Variants in CDH23 observed in about 807,000 individuals in gnomAD.
CDH23 encodes the protein cadherin-23.
A neutral mutation model predicts 317.1 loss-of-function variants in CDH23; 189 were observed. That is an observed-to-expected ratio of 0.60 (90% CI 0.53 to 0.67). CDH23 has a LOEUF of 0.67. Ranked by LOEUF, CDH23 falls within the 30% of genes least tolerant of loss-of-function variation. The probability of loss-of-function intolerance (pLI) is 0.00; values close to 1 mark genes in which losing one functional copy is unlikely to be tolerated. For missense variants in CDH23, 4,401 were observed against 4,592.4 expected (o/e 0.96, Z 1.20); for synonymous variants, 1,839 against 1,876.8 (o/e 0.98, Z 0.52).
chr10:71,558,732 A>G (rs965676609), intron 6 of CDH23, among the ~76,000 whole-genome samples: 8 of 152,192 alleles, frequency 5.3e-5, no homozygotes, highest in African/African-American at 1.7e-4. Context: ...AGTGGGCTCC[A>G]TTATGGGATG....
At chr10:71,456,262 C>G (rs1372695561) in intron 3 of CDH23, among the ~76,000 whole-genome samples, 1 of 151,166 alleles carries the variant, frequency 6.6e-6, no homozygotes, top group African/African-American at 2.4e-5. Flanking sequence ...GCTTTGGGCT[C>G]TTGGTGCCCT....
At chr10:71,725,221 C>A (rs1866751041) in intron 29 of CDH23, 151 bp from the exon 30 acceptor site, 1 of 1,450,952 alleles carries the variant, frequency 6.9e-7, no homozygotes, top group South Asian at 1.2e-5. Flanking sequence ...CCTCCAGCTT[C>A]CTCTCCACTG....
At chr10:71,514,007 C>G (rs1188953254) in intron 6 of CDH23, among the ~76,000 whole-genome samples, 1 of 152,112 alleles carries the variant, frequency 6.6e-6, no homozygotes, top group East Asian at 1.9e-4. Flanking sequence ...AAATCCAGGT[C>G]TATCTAAGGA....
intron 9 of CDH23, among the ~76,000 whole-genome samples, chr10:71,604,912 G>C (rs572655504): frequency 6.6e-6 from 1 of 152,348 alleles, no homozygotes; most frequent in African/African-American, 2.4e-5. Flanking sequence ...GATGTAGCAA[G>C]ACCAGGGCGG....
rs1443006753 is a variant in CDH23 at position 71,625,394 on chromosome 10, A to AT, written c.1134+8003dup. Among the ~76,000 whole-genome samples, 334 of 109,336 alleles carry AT rather than the reference A, an allele frequency of 3.1e-3. 2 individuals carry two copies. The highest frequency in any genetic ancestry group is 8.4e-3 in the African/African-American group (250 of 29,880). The allele number at this position is 109,336 out of a possible 152,430, so 71.7% of individuals were successfully genotyped here. On this transcript the variant is annotated intron_variant, in intron 11 of 69. Transcript: ENST00000224721. ...CCATGGAGAAAACATCACCAAATAA[A>AT]TTAAAAAAAAAAAAAAAAAAAAAAA...
intron 11 of CDH23, among the ~76,000 whole-genome samples, chr10:71,637,262 G>T (rs963322159): frequency 1.3e-5 from 2 of 152,092 alleles, no homozygotes; most frequent in African/African-American, 4.8e-5. Flanking sequence ...GCCCAGGGTG[G>T]GACTGGTGGG....
In CDH23 at chr10:71,684,721, G is replaced by A. The variant is rs1011448110; in HGVS notation, c.1986+2149G>A. On this transcript the variant is annotated intron_variant, in intron 18 of 69. Coordinates refer to ENST00000224721, the MANE Select transcript of CDH23 (RefSeq NM_022124.6). ...AGCCGCACCCATGCCCCAGCCTGTC[G>A]CTAGTGCAAATGGGAGTTCCCATGA... 2.0e-5 allele frequency among the ~76,000 whole-genome samples: 3 copies of A among 152,206 alleles called. No individual in the cohort carries two copies. In the South Asian group the frequency reaches 6.2e-4, roughly 32 times the overall value.
chr10:71,640,238 A>G (rs927467998), intron 11 of CDH23, among the ~76,000 whole-genome samples: 4 of 152,156 alleles, frequency 2.6e-5, no homozygotes, highest in Non-Finnish European at 5.9e-5. Context: ...CCATCTTTTC[A>G]GTCCCTCACT....
intron 6 of CDH23, chr10:71,511,765 A>T (rs1286405576): frequency 6.3e-6 from 1 of 158,122 alleles, no homozygotes; most frequent in Non-Finnish European, 1.4e-5. Flanking sequence ...AGAAGTACAA[A>T]TTATTGCATT....
intron 2 of CDH23, 40 bp from the exon 3 acceptor site, chr10:71,446,278 G>C: frequency 6.3e-7 from 1 of 1,584,028 alleles, no homozygotes; most frequent in African/African-American, 1.3e-5. Context: ...TAAAGCTGAT[G>C]GGGGGTACTT....
chr10:71,438,247 G>A (rs1849706963), intron 1 of CDH23, among the ~76,000 whole-genome samples: 1 of 151,290 alleles, frequency 6.6e-6, no homozygotes, highest in Non-Finnish European at 1.5e-5. Flanking sequence ...GGGGGGCTGA[G>A]GCAGGAGAAT....
At chr10:71,678,864 G>A (rs998675928) in intron 16 of CDH23, among the ~76,000 whole-genome samples, 1 of 152,190 alleles carries the variant, frequency 6.6e-6, no homozygotes, top group South Asian at 2.1e-4. Context: ...TTGGCCTGTA[G>A]GTATGCAGCA....
intron 3 of CDH23, among the ~76,000 whole-genome samples, chr10:71,495,421 G>A (rs922873160): frequency 1.3e-5 from 2 of 152,148 alleles, no homozygotes; most frequent in African/African-American, 4.8e-5. Flanking sequence ...GCTATTGAAA[G>A]GTGAAGACAA....
At chr10:71,690,612 GT>G (rs1435426072) in intron 20 of CDH23, 28 bp downstream of exon 20, 1 of 1,481,660 alleles carries the variant, frequency 6.7e-7, no homozygotes, top group South Asian at 1.2e-5. Context: ...AAGTACCCTG[GT>G]CCTCCACACC....
At chr10:71,702,509 T>A in intron 23 of CDH23, 40 bp from the exon 24 acceptor site, 4 of 1,613,190 alleles carry the variant, frequency 2.5e-6, no homozygotes, top group Non-Finnish European at 2.5e-6. Context: ...TGCACCCATC[T>A]TACCCTGTCC....
At chr10:71,519,390 G>T (rs980935653) in intron 6 of CDH23, among the ~76,000 whole-genome samples, 3 of 152,220 alleles carry the variant, frequency 2.0e-5, no homozygotes, top group African/African-American at 7.2e-5. Flanking sequence ...CCATGGTGGG[G>T]CCTGATGGAG....
chr10:71,763,104 A>G (rs991482334), intron 38 of CDH23, among the ~76,000 whole-genome samples: 1 of 152,240 alleles, frequency 6.6e-6, no homozygotes, highest in Non-Finnish European at 1.5e-5. Context: ...AGAACACAAG[A>G]TGTGAGCTCT....
chr10:71,713,451 C>T, intron 28 of CDH23: 1 of 593,310 alleles, frequency 1.7e-6, no homozygotes, highest in East Asian at 2.8e-5. Context: ...AACAGGGAAT[C>T]TGGGCCTGCC....
At chr10:71,760,319 A>G (rs1009534212) in intron 38 of CDH23, among the ~76,000 whole-genome samples, 25 of 148,458 alleles carry the variant, frequency 1.7e-4, no homozygotes, top group Non-Finnish European at 1.5e-5. Context: ...ACACACATAT[A>G]TATATATATA....
Sources: gnomAD v4.1 joint callset for allele counts (sites outside exome capture counted in the v4.1 genomes callset) on GRCh38, gnomAD v4.1.1 for gene constraint, MANE v1.5 for transcripts, NCBI Gene and HGNC (gene_info 2026-07-23, HGNC 2026-07-21) for gene names.